CLSTN2: variants seen among roughly 807,000 people sequenced by gnomAD.
The protein encoded by CLSTN2 is calsyntenin-2.
A neutral mutation model predicts 101.2 loss-of-function variants in CLSTN2; 48 were observed. The ratio of observed to expected loss-of-function variants is 0.47; its 90% CI spans 0.38 to 0.60. CLSTN2 has a LOEUF of 0.60. Among genes scored for constraint, CLSTN2 ranks in the 20% least tolerant of loss-of-function variants. The probability of loss-of-function intolerance (pLI) is 0.00; values close to 1 mark genes in which losing one functional copy is unlikely to be tolerated. For missense variants in CLSTN2, 1,160 were observed against 1,238.2 expected, an observed-to-expected ratio of 0.94 and a Z score of 0.95; for synonymous variants, 481 against 463.6, an observed-to-expected ratio of 1.04 and a Z score of -0.48.
At chr3:140,186,228 G>A (rs1467103690) in intron 2 of CLSTN2, among the ~76,000 whole-genome samples, 1 of 152,100 alleles carries the variant, frequency 6.6e-6, no homozygotes, top group East Asian at 1.9e-4. Context: ...CCAGTAATTG[G>A]ACTGCTTAAT....
intron 2 of CLSTN2, among the ~76,000 whole-genome samples, chr3:140,209,868 G>A (rs2010833959): frequency 6.6e-6 from 1 of 152,144 alleles, no homozygotes. Flanking sequence ...CCTCAACCTA[G>A]TTCTCACTGC....
At chr3:140,442,534 G>T (rs1029593066) in intron 5 of CLSTN2, among the ~76,000 whole-genome samples, 5 of 152,096 alleles carry the variant, frequency 3.3e-5, no homozygotes, top group Admixed American at 2.0e-4. Context: ...TCCAGTTGCA[G>T]GGTTAACACT....
At chr3:140,027,594 G>A (rs1392561713) in intron 1 of CLSTN2, among the ~76,000 whole-genome samples, 2 of 152,084 alleles carry the variant, frequency 1.3e-5, no homozygotes, top group African/African-American at 2.4e-5. Flanking sequence ...AACTAATATA[G>A]ACTCCATGAT....
chr3:140,283,314 C>A (rs919024458), intron 2 of CLSTN2, among the ~76,000 whole-genome samples: 1 of 152,116 alleles, frequency 6.6e-6, no homozygotes, highest in Admixed American at 6.6e-5. Flanking sequence ...TCCATATATA[C>A]CTTCATCTTT....
chr3:140,149,890 C>T (rs1329331358), intron 1 of CLSTN2, among the ~76,000 whole-genome samples: 1 of 152,194 alleles, frequency 6.6e-6, no homozygotes, highest in Non-Finnish European at 1.5e-5. Context: ...CAACACCATT[C>T]ACAAATCCTA....
intron 2 of CLSTN2, among the ~76,000 whole-genome samples, chr3:140,403,245 C>G (rs1185234960): frequency 6.6e-6 from 1 of 152,096 alleles, no homozygotes; most frequent in Non-Finnish European, 1.5e-5. Flanking sequence ...AAAACTGCAA[C>G]TTGGAAGGGG....
intron 1 of CLSTN2, among the ~76,000 whole-genome samples, chr3:140,094,066 G>A (rs995657988): frequency 7.2e-5 from 11 of 152,124 alleles, no homozygotes; most frequent in African/African-American, 2.4e-4. Context: ...ATTCAAATTC[G>A]TCTCATTAAT....
chr3:140,008,302 A>T (rs558833640), intron 1 of CLSTN2, among the ~76,000 whole-genome samples: 244 of 152,324 alleles, frequency 1.6e-3, no homozygotes, highest in African/African-American at 5.5e-3. Flanking sequence ...TGCTTCTGGC[A>T]TCATTGCCCC....
intron 2 of CLSTN2, among the ~76,000 whole-genome samples, chr3:140,227,483 T>C (rs1049625361): frequency 5.3e-5 from 8 of 152,168 alleles, no homozygotes; most frequent in Non-Finnish European, 8.8e-5. Flanking sequence ...GCATTGAGTG[T>C]TGGTGGCTTT....
At chr3:140,466,824 G>C in intron 8 of CLSTN2, 93 bp downstream of exon 8, 1 of 1,522,576 alleles carries the variant, frequency 6.6e-7, no homozygotes, top group South Asian at 1.2e-5. Context: ...GGCACTGCAA[G>C]GTCCTGACCA....
chr3:140,012,579 C>A (rs2007101723), intron 1 of CLSTN2, among the ~76,000 whole-genome samples: 1 of 152,110 alleles, frequency 6.6e-6, no homozygotes, highest in African/African-American at 2.4e-5. Flanking sequence ...GGATGACCAG[C>A]AAAATCTTTC....
intron 5 of CLSTN2, among the ~76,000 whole-genome samples, chr3:140,446,855 C>A (rs1181205212): frequency 1.3e-5 from 2 of 152,184 alleles, no homozygotes; most frequent in Admixed American, 1.3e-4. Context: ...TTTCATAGCA[C>A]TTACTCCTTT....
intron 7 of CLSTN2, among the ~76,000 whole-genome samples, chr3:140,461,765 TC>T (rs1467687633): frequency 3.3e-5 from 5 of 151,918 alleles, no homozygotes; most frequent in African/African-American, 1.2e-4. Context: ...ATCCCAGCAG[TC>T]CCCTGAGAAG....
At chr3:140,497,433 G>T (rs1934491123) in intron 8 of CLSTN2, among the ~76,000 whole-genome samples, 1 of 152,034 alleles carries the variant, frequency 6.6e-6, no homozygotes, top group African/African-American at 2.4e-5. Context: ...GTGCTATGGG[G>T]GATTGCTTCT....
intron 1 of CLSTN2, among the ~76,000 whole-genome samples, chr3:140,117,556 G>T (rs1217103604): frequency 6.6e-6 from 1 of 152,198 alleles, no homozygotes; most frequent in Non-Finnish European, 1.5e-5. Flanking sequence ...AATTAAAAAG[G>T]TGGGTCGCCT....
intron 1 of CLSTN2, among the ~76,000 whole-genome samples, chr3:140,169,240 G>T (rs979503880): frequency 1.3e-5 from 2 of 151,964 alleles, no homozygotes; most frequent in Non-Finnish European, 2.9e-5. Flanking sequence ...TAAGTTTCAT[G>T]TTTTTGATGC....
intron 2 of CLSTN2, among the ~76,000 whole-genome samples, chr3:140,306,391 G>A (rs554730018): frequency 1.2e-3 from 175 of 152,032 alleles, no homozygotes; most frequent in African/African-American, 4.0e-3. Flanking sequence ...TAAGAGGACA[G>A]CAACATGTTT....
intron 1 of CLSTN2, among the ~76,000 whole-genome samples, chr3:140,140,216 A>G (rs537075258): frequency 6.6e-6 from 1 of 152,196 alleles, no homozygotes; most frequent in South Asian, 2.1e-4. Context: ...TTGTTGTGTT[A>G]GCTTATTTGC....
At chr3:140,404,491 G>A (rs1294252334) in intron 3 of CLSTN2, 67 bp from the exon 4 acceptor site, 2 of 1,447,590 alleles carry the variant, frequency 1.4e-6, no homozygotes, top group African/African-American at 2.8e-5. Context: ...AGTGCCCCCA[G>A]GAGGTACAGG....
Sources: allele counts gnomAD v4.1 joint callset (sites outside exome capture counted in the v4.1 genomes callset), GRCh38; gene constraint gnomAD v4.1.1; transcripts MANE v1.5; gene names NCBI Gene and HGNC (gene_info 2026-07-23, HGNC 2026-07-21).